PIGS: variants seen among roughly 807,000 people sequenced by gnomAD.
PIGS encodes phosphatidylinositol glycan anchor biosynthesis class S, also known as GPI-anchor transamidase component PIGS.
Under a neutral mutation model 58.2 loss-of-function variants are expected in PIGS, and 37 were observed. That is an observed-to-expected ratio of 0.64 (90% confidence interval 0.49 to 0.84). The LOEUF is 0.84. Ranked by LOEUF, PIGS falls within the 40% of genes least tolerant of loss-of-function variation. The pLI, the probability that PIGS is intolerant of heterozygous loss-of-function variation, is 0.00. For missense variants in PIGS, 629 were observed against 710.8 expected, an observed-to-expected ratio of 0.88 and a Z score of 1.31; for synonymous variants, 269 against 289.2, an observed-to-expected ratio of 0.93 and a Z score of 0.71.
At chr17:28,560,734 C>T (rs929200581) in intron 6 of PIGS, among the ~76,000 whole-genome samples, 3 of 151,876 alleles carry the variant, frequency 2.0e-5, no homozygotes, top group Non-Finnish European at 4.4e-5. Context: ...GACAAGATCA[C>T]GTCACTGCAC....
chr17:28,556,177 C>A lies in PIGS; in HGVS notation c.1170G>T (p.Leu390=). ...VDMVRVMEVF[L]AQLRLLFGIA... The stretch of plus-strand genomic sequence containing the variant: ...ATCCAGGACCTCACCGCAACTGTGC[C>A]AGGAACACCTCCATCACTCGCACCA... Residue 390 remains leucine, a synonymous_variant, in exon 10 of 12, where the codon CTG becomes CTT. Transcript: ENST00000308360. 1 of 1,613,368 alleles carries A rather than the reference C, an allele frequency of 6.2e-7. No homozygotes were observed. Among genetic ancestry groups the A allele is most frequent in the Non-Finnish European group, 8.5e-7 (1 of 1,179,368 alleles).
chr17:28,563,715 G>C (rs2070378645), intron 4 of PIGS, 103 bp downstream of exon 4: 1 of 1,329,442 alleles, frequency 7.5e-7, no homozygotes, highest in Non-Finnish European at 1.1e-6. Flanking sequence ...AGCATTCCAA[G>C]AGAGGTTTTG....
At chr17:28,566,564 TACAGGCGTGAGCCA>T (rs1445869817) in intron 3 of PIGS, among the ~76,000 whole-genome samples, 3 of 151,676 alleles carry the variant, frequency 2.0e-5, no homozygotes, top group Non-Finnish European at 4.4e-5. Flanking sequence ...GTGCTGGGAT[TACAGGCGTGAGCCA>T]CCGCGCCCAG....
intron 3 of PIGS, among the ~76,000 whole-genome samples, chr17:28,565,215 C>CA (rs2151513898): frequency 6.6e-6 from 1 of 152,250 alleles, no homozygotes; most frequent in Admixed American, 6.5e-5. Context: ...TAAATACCAG[C>CA]AATATCCAAT....
At chr17:28,569,474 C>CA (rs767305172) in intron 3 of PIGS, among the ~76,000 whole-genome samples, 2,092 of 65,940 alleles carry the variant, frequency 0.032, 17 homozygotes, top group Middle Eastern at 0.089. Context: ...GACCCTTTCT[C>CA]AAAAAAAAAA....
rs529969510 is a variant in PIGS, at chr17:28,570,248, C to T, written c.286+604G>A. Among the ~76,000 whole-genome samples, 9 of 152,356 alleles carry T rather than the reference C, an allele frequency of 5.9e-5. No individual in the cohort carries two copies. In the South Asian group the frequency reaches 1.7e-3, roughly 28 times the overall value. ...AATAGGGGCTGGGCGCGGTGGCTCA[C>T]GCCTGTAATCCCAACACTTTGGGAG... On this transcript the variant is annotated intron_variant, in intron 3 of 11. Coordinates refer to ENST00000308360, the MANE Select transcript of PIGS (RefSeq NM_033198.4).
At position 28,556,837 on chromosome 17, in the gene PIGS, C is replaced by T. The variant is rs2070332383; in HGVS notation, c.1070G>A (p.Gly357Asp). ...ATNAFHSPRWGGIMVYNVDSK... is the reference protein window; with the variant it reads ...ATNAFHSPRWDGIMVYNVDSK... ...TAGTGTGACTATTACCATAATGCCA[C>T]CCCAGCGGGGACTATGGAAGGCATT... The change falls in exon 9 of 12, where the codon GGT becomes GAT. Residue 357 changes from glycine to aspartate, a missense_variant. Gly to Asp is a moderately conservative substitution (Grantham distance 94, BLOSUM62 -1). Coordinates refer to ENST00000308360, the MANE Select transcript of PIGS (RefSeq NM_033198.4). 1.2e-6 allele frequency: 2 copies of T among 1,613,794 alleles called. No individual in the cohort carries two copies. Among genetic ancestry groups the T allele is most frequent in the South Asian group, 2.2e-5 (2 of 91,058 alleles).
At chr17:28,569,184 T>A (rs571567741) in intron 3 of PIGS, among the ~76,000 whole-genome samples, 51 of 149,270 alleles carry the variant, frequency 3.4e-4, no homozygotes, top group Non-Finnish European at 7.0e-4. Flanking sequence ...TTTAAAAAAA[T>A]GTTTTAACCA....
intron 6 of PIGS, chr17:28,560,462 G>GT (rs556745678): frequency 1.2e-4 from 46 of 372,654 alleles, no homozygotes; most frequent in African/African-American, 9.5e-4. Flanking sequence ...TGGCCATCAT[G>GT]GAGAAACCCC....
intron 3 of PIGS, among the ~76,000 whole-genome samples, chr17:28,570,309 G>C (rs1171117257): frequency 1.3e-5 from 2 of 152,214 alleles, no homozygotes; most frequent in African/African-American, 4.8e-5. Flanking sequence ...TCAGGAGTTC[G>C]AGAGCAGCAT....
intron 5 of PIGS, 125 bp downstream of exon 5, chr17:28,563,306 T>A (rs568959620): frequency 1.1e-3 from 776 of 714,618 alleles, no homozygotes; most frequent in African/African-American, 2.3e-3. Context: ...AAAAAAAAAA[T>A]TTTTTTTTGG....
intron 11 of PIGS, 79 bp downstream of exon 11, chr17:28,554,772 G>T: frequency 6.5e-7 from 1 of 1,548,900 alleles, no homozygotes. Context: ...GACCTCACAG[G>T]CTCTCTGGTC....
chr17:28,557,225 G>A, intron 8 of PIGS: 1 of 460,648 alleles, frequency 2.2e-6, no homozygotes, highest in Non-Finnish European at 3.8e-6. Context: ...CCCCTTGACT[G>A]TCTACGACAG....
At chr17:28,561,690 C>T in intron 5 of PIGS, 61 bp from the exon 6 acceptor site, 1 of 1,509,832 alleles carries the variant, frequency 6.6e-7, no homozygotes, top group Admixed American at 2.0e-5. Context: ...AAAAAGCACC[C>T]TGGCTCCTAC....
intron 6 of PIGS, chr17:28,560,408 C>T (rs760359969): frequency 1.2e-5 from 6 of 516,008 alleles, no homozygotes; most frequent in African/African-American, 2.0e-5. Context: ...CTTTGGGAGA[C>T]TGAGGCAGAC....
At chr17:28,555,199 C>T (rs995904276) in intron 10 of PIGS, 138 bp from the exon 11 acceptor site, 1 of 855,104 alleles carries the variant, frequency 1.2e-6, no homozygotes. Flanking sequence ...GGAAGTACCT[C>T]AGGGTCTTGG....
chr17:28,556,466 G>A (rs1259968907), intron 9 of PIGS, 200 bp from the exon 10 acceptor site: 2 of 711,750 alleles, frequency 2.8e-6, no homozygotes, highest in Non-Finnish European at 5.1e-6. Flanking sequence ...AAGTCCTGTA[G>A]AACATATTTT....
At chr17:28,560,305 A>G in intron 6 of PIGS, 114 bp from the exon 7 acceptor site, 3 of 1,313,568 alleles carry the variant, frequency 2.3e-6, no homozygotes, top group Non-Finnish European at 3.1e-6. Context: ...GCTGCTTTCC[A>G]TCATGGAACC....
At chr17:28,569,203 C>T (rs1412783726) in intron 3 of PIGS, among the ~76,000 whole-genome samples, 4 of 149,878 alleles carry the variant, frequency 2.7e-5, no homozygotes, top group Non-Finnish European at 4.5e-5. Flanking sequence ...CAGCCGGGTG[C>T]GGTGGCTCAC....
Sources: allele counts gnomAD v4.1 joint callset (sites outside exome capture counted in the v4.1 genomes callset), GRCh38; gene constraint gnomAD v4.1.1; transcripts MANE v1.5; gene names NCBI Gene and HGNC (gene_info 2026-07-23, HGNC 2026-07-21).